PHF14: variants seen among roughly 807,000 people sequenced by gnomAD.
PHF14 encodes PHD finger protein 14.
A neutral mutation model predicts 117.9 loss-of-function variants in PHF14; 55 were observed. That is an observed-to-expected ratio of 0.47 (90% confidence interval 0.38 to 0.58). The LOEUF is 0.58. Among genes scored for constraint, PHF14 ranks in the 20% least tolerant of loss-of-function variants. PHF14 has a pLI of 0.00. For synonymous variants in PHF14, 409 were observed against 368.6 expected (o/e 1.11, Z -1.26); for missense variants, 978 against 1,122.2 (o/e 0.87, Z 1.84).
At chr7:11,158,788 G>T (rs955061490) in intron 17 of PHF14, among the ~76,000 whole-genome samples, 1 of 152,054 alleles carries the variant, frequency 6.6e-6, no homozygotes, top group Non-Finnish European at 1.5e-5. Flanking sequence ...TGTCATAGTT[G>T]CTTACAGATT....
Position 11,035,654 on chromosome 7 carries a change from A to T in PHF14, c.1470A>T (p.Pro490=), listed in dbSNP as rs1351691417. 1 of 1,609,402 alleles carries T rather than the reference A, an allele frequency of 6.2e-7. No homozygotes were observed. Among genetic ancestry groups the T allele is most frequent in the East Asian group, 2.2e-5 (1 of 44,784 alleles). The change falls in exon 8 of 18, where the codon CCA becomes CCT. Residue 490 remains proline (P), a synonymous_variant. Transcript: ENST00000634607. ...EAAAEEDIAD[P]FFAYCKQHAD... is the part of the protein sequence containing the mutation. ...TCTTTGTATAGGATATAGCAGATCC[A>T]TTCTTTGCTTATTGTAAGCAACATG...
chr7:10,979,462 G>A (rs552941443), intron 2 of PHF14, among the ~76,000 whole-genome samples: 29 of 151,666 alleles, frequency 1.9e-4, no homozygotes, highest in African/African-American at 6.0e-4. Context: ...TTTTTCAAAC[G>A]TAAGAAAGGT....
chr7:11,115,663 T>A (rs1199195727), intron 17 of PHF14, among the ~76,000 whole-genome samples: 1 of 151,980 alleles, frequency 6.6e-6, no homozygotes, highest in African/African-American at 2.4e-5. Flanking sequence ...TCCTCAGATT[T>A]CATTTAGGTT....
intron 16 of PHF14, chr7:11,106,180 A>G (rs1034716594): frequency 3.1e-6 from 3 of 981,598 alleles, no homozygotes; most frequent in South Asian, 4.7e-5. Flanking sequence ...GCTGCCACAG[A>G]TATAGCTAAC....
chr7:11,088,783 G>A (rs541438614), intron 16 of PHF14, among the ~76,000 whole-genome samples: 1 of 152,138 alleles, frequency 6.6e-6, no homozygotes, highest in African/African-American at 2.4e-5. Context: ...ACACTGTATA[G>A]GAGGGGAGTG....
chr7:11,041,562 C>G (rs1270186619), intron 12 of PHF14, among the ~76,000 whole-genome samples: 8 of 151,848 alleles, frequency 5.3e-5, no homozygotes, highest in Non-Finnish European at 1.2e-4. Flanking sequence ...ACAACAATAT[C>G]AATCTCCATA....
intron 17 of PHF14, among the ~76,000 whole-genome samples, chr7:11,140,022 A>G (rs1171199312): frequency 6.6e-6 from 1 of 152,156 alleles, no homozygotes; most frequent in African/African-American, 2.4e-5. Flanking sequence ...AGTAAGAAAT[A>G]CATGTTACCC....
At chr7:11,111,539 AGCT>A in intron 17 of PHF14, 72 bp downstream of exon 17, 6 of 721,454 alleles carry the variant, frequency 8.3e-6, no homozygotes, top group Non-Finnish European at 1.2e-5. Flanking sequence ...TCACACAATT[AGCT>A]TCTTTAAAGA....
chr7:11,086,225 G>A (rs1786404650), intron 16 of PHF14, among the ~76,000 whole-genome samples: 1 of 152,116 alleles, frequency 6.6e-6, no homozygotes, highest in Admixed American at 6.6e-5. Context: ...TTTGTCCAGA[G>A]GCTTCCCATT....
intron 16 of PHF14, among the ~76,000 whole-genome samples, chr7:11,087,560 A>T (rs931355618): frequency 1.1e-4 from 17 of 152,172 alleles, no homozygotes; most frequent in African/African-American, 4.1e-4. Flanking sequence ...ATATTGGGCC[A>T]TAATCTTTGG....
chr7:11,093,639 A>G (rs1786732427), intron 16 of PHF14, among the ~76,000 whole-genome samples: 1 of 152,160 alleles, frequency 6.6e-6, no homozygotes, highest in South Asian at 2.1e-4. Flanking sequence ...GTAGACTGTC[A>G]CATATTACTC....
At chr7:11,041,924 C>G (rs1784516251) in intron 12 of PHF14, among the ~76,000 whole-genome samples, 1 of 150,488 alleles carries the variant, frequency 6.6e-6, no homozygotes, top group African/African-American at 2.4e-5. Context: ...ACCATCATTG[C>G]TTTCTGTACT....
chr7:11,008,820 G>C (rs1783228378), intron 4 of PHF14, among the ~76,000 whole-genome samples: 1 of 152,040 alleles, frequency 6.6e-6, no homozygotes, highest in African/African-American at 2.4e-5. Context: ...TGGATCACGA[G>C]GTCAGGAGAT....
chr7:11,133,500 A>G (rs913058880), intron 17 of PHF14, among the ~76,000 whole-genome samples: 2 of 151,946 alleles, frequency 1.3e-5, no homozygotes, highest in African/African-American at 4.8e-5. Context: ...TGGGCATTAG[A>G]TTGAGACCAT....
At chr7:10,986,258 A>C (rs567287424) in intron 3 of PHF14, among the ~76,000 whole-genome samples, 7 of 151,412 alleles carry the variant, frequency 4.6e-5, no homozygotes, top group African/African-American at 1.7e-4. Context: ...TGTTGGGATT[A>C]CAGGTGTGAG....
At chr7:11,167,822 G>A (rs1789244752) in intron 17 of PHF14, among the ~76,000 whole-genome samples, 1 of 152,150 alleles carries the variant, frequency 6.6e-6, no homozygotes, top group African/African-American at 2.4e-5. Flanking sequence ...GAGGTCAGGA[G>A]ATCGAGACCA....
chr7:10,998,093 AG>A (rs907521306), intron 4 of PHF14, among the ~76,000 whole-genome samples: 28 of 152,270 alleles, frequency 1.8e-4, no homozygotes, highest in African/African-American at 6.5e-4. Context: ...TGAGGAAAGA[AG>A]GGGGAACAAT....
At chr7:11,054,910 G>A (rs1784965033) in intron 14 of PHF14, among the ~76,000 whole-genome samples, 1 of 151,858 alleles carries the variant, frequency 6.6e-6, no homozygotes, top group Admixed American at 6.6e-5. Flanking sequence ...TTGTTTTCAT[G>A]TTAGTCTTAT....
At chr7:11,116,873 C>A (rs1787615594) in intron 17 of PHF14, among the ~76,000 whole-genome samples, 1 of 151,428 alleles carries the variant, frequency 6.6e-6, no homozygotes, top group African/African-American at 2.4e-5. Flanking sequence ...TGTGTATAAC[C>A]CAAGTCAAAT....
Sources: gnomAD v4.1 joint callset for allele counts (sites outside exome capture counted in the v4.1 genomes callset) on GRCh38, gnomAD v4.1.1 for gene constraint, MANE v1.5 for transcripts, NCBI Gene and HGNC (gene_info 2026-07-23, HGNC 2026-07-21) for gene names.